TMEM132D: variants seen among roughly 807,000 people sequenced by gnomAD.
TMEM132D encodes transmembrane protein 132D.
In TMEM132D, 21 loss-of-function variants were observed where a neutral mutation model predicts 62.3. That is an observed-to-expected ratio of 0.34 (90% confidence interval 0.24 to 0.49). TMEM132D has a LOEUF of 0.49. Ranked by LOEUF, TMEM132D falls within the 20% of genes least tolerant of loss-of-function variation. The pLI is 0.99. For synonymous variants in TMEM132D, 621 were observed against 575.6 expected (o/e 1.08, Z -1.13); for missense variants, 1,346 against 1,402.8 (o/e 0.96, Z 0.65).
At chr12:129,707,485 A>G (rs969181198) in intron 1 of TMEM132D, among the ~76,000 whole-genome samples, 1 of 152,168 alleles carries the variant, frequency 6.6e-6, no homozygotes, top group African/African-American at 2.4e-5. Context: ...ACACAGTAGC[A>G]TAGAGGGGCT....
Position 129,230,585 on chromosome 12 carries a change from G to A in TMEM132D, c.1300-20922C>T, listed in dbSNP as rs1879612844. Among the ~76,000 whole-genome samples, 2 of 152,230 alleles carry A rather than the reference G, an allele frequency of 1.3e-5. 1 individual carries two copies. Among genetic ancestry groups the A allele is most frequent in the Admixed American group, 1.3e-4 (2 of 15,282 alleles). Reference sequence around the variant, plus strand: ...GTTTTCGGGGTGTCTACAGGATGGGGTGAAGCCACACTACTGTGGAGACCA... The same window carrying A: ...GTTTTCGGGGTGTCTACAGGATGGGATGAAGCCACACTACTGTGGAGACCA... On this transcript the variant is annotated intron_variant, in intron 4 of 8. Transcript: ENST00000422113.
intron 2 of TMEM132D, among the ~76,000 whole-genome samples, chr12:129,560,738 G>C (rs1327777232): frequency 6.6e-6 from 1 of 152,150 alleles, no homozygotes. Flanking sequence ...TCCCATTCAG[G>C]TACTTGCTCA....
chr12:129,754,152 G>T (rs1326720754), intron 1 of TMEM132D, among the ~76,000 whole-genome samples: 2 of 152,186 alleles, frequency 1.3e-5, no homozygotes, highest in Admixed American at 1.3e-4. Flanking sequence ...GTAGGTGCTG[G>T]CAACAGCTTC....
Position 129,073,864 on chromosome 12 carries a change from G to A in TMEM132D, c.*11C>T, listed in dbSNP as rs1874154904. 1 of 1,520,788 alleles carries A rather than the reference G, an allele frequency of 6.6e-7. No homozygotes were observed. Among genetic ancestry groups the A allele is most frequent in the Non-Finnish European group, 8.8e-7 (1 of 1,134,748 alleles). 94.2% of individuals were successfully genotyped at this position (1,520,788 alleles called of 1,614,324 possible). ...AAGGTGAGTGAGAACCAATGTCTGTGTGTGTCTGGCTTACACATTTTCATG... is the reference window on the plus strand; with the variant it reads ...AAGGTGAGTGAGAACCAATGTCTGTATGTGTCTGGCTTACACATTTTCATG... On this transcript the variant is annotated 3_prime_UTR_variant, in exon 9 of 9. Coordinates refer to ENST00000422113, the MANE Select transcript of TMEM132D (RefSeq NM_133448.3).
At chr12:129,876,372 A>G (rs183244108) in intron 1 of TMEM132D, among the ~76,000 whole-genome samples, 52 of 152,316 alleles carry the variant, frequency 3.4e-4, no homozygotes, top group African/African-American at 1.3e-3. Flanking sequence ...CAATTCAGCA[A>G]TCTTTCCATA....
intron 4 of TMEM132D, among the ~76,000 whole-genome samples, chr12:129,240,349 G>T (rs1256092091): frequency 6.6e-6 from 1 of 152,108 alleles, no homozygotes; most frequent in African/African-American, 2.4e-5. Context: ...GAGAAAACTG[G>T]TTTGAATATC....
At chr12:129,307,047 T>C (rs916184785) in intron 4 of TMEM132D, among the ~76,000 whole-genome samples, 4 of 128,766 alleles carry the variant, frequency 3.1e-5, no homozygotes, top group Non-Finnish European at 6.4e-5. Context: ...AGAAGTAACA[T>C]AGGACAATAG....
chr12:129,235,804 C>T (rs775797413), intron 4 of TMEM132D, among the ~76,000 whole-genome samples: 1 of 151,870 alleles, frequency 6.6e-6, no homozygotes, highest in African/African-American at 2.4e-5. Context: ...CTTTTTTGCT[C>T]AATACAATAT....
chr12:129,621,423 G>A (rs1879063676), intron 2 of TMEM132D, among the ~76,000 whole-genome samples: 1 of 152,078 alleles, frequency 6.6e-6, no homozygotes, highest in African/African-American at 2.4e-5. Context: ...GTCTATTCAT[G>A]CACATTTCTC....
At chr12:129,570,962 G>A (rs908850818) in intron 2 of TMEM132D, among the ~76,000 whole-genome samples, 1 of 152,176 alleles carries the variant, frequency 6.6e-6, no homozygotes, top group African/African-American at 2.4e-5. Context: ...CCAGGGACAG[G>A]ACGAATGCAG....
At chr12:129,743,816 T>C (rs1869686281) in intron 1 of TMEM132D, among the ~76,000 whole-genome samples, 1 of 152,118 alleles carries the variant, frequency 6.6e-6, no homozygotes, top group South Asian at 2.1e-4. Context: ...ATCATAATGA[T>C]GAAGGCAGAG....
At chr12:129,485,924 G>A (rs1566085085) in intron 3 of TMEM132D, among the ~76,000 whole-genome samples, 1 of 152,224 alleles carries the variant, frequency 6.6e-6, no homozygotes, top group Admixed American at 6.5e-5. Flanking sequence ...GACATGTTGT[G>A]TGTAGCAGAT....
chr12:129,347,938 CAACA>C lies in TMEM132D; in HGVS notation c.1116-10125_1116-10122del, dbSNP rs200240039. On this transcript the variant is annotated intron_variant, in intron 3 of 8. Transcript: ENST00000422113. ...TCTCAAAAGAAGACATTTATGCAGC[CAACA>C]AACATGAAAAAAACCTCATCATCAC... Among the ~76,000 whole-genome samples, 50 of 152,112 alleles carry C rather than the reference CAACA, an allele frequency of 3.3e-4. 1 individual carries two copies. The East Asian group carries it at 9.5e-3, about 29-fold the overall frequency.
chr12:129,745,931 G>C (rs564994669), intron 1 of TMEM132D, among the ~76,000 whole-genome samples: 12 of 152,264 alleles, frequency 7.9e-5, no homozygotes, highest in South Asian at 2.1e-4. Context: ...CCAGCCCTTC[G>C]GAAGGAGAAT....
At position 129,114,783 on chromosome 12, in the gene TMEM132D, C is replaced by T. The variant is rs531551738; in HGVS notation, c.1444-30081G>A. 2.3e-4 allele frequency among the ~76,000 whole-genome samples: 35 copies of T among 152,286 alleles called. No individual in the cohort carries two copies. The South Asian group carries it at 5.0e-3, about 22-fold the overall frequency. On this transcript the variant is annotated intron_variant, in intron 5 of 8. Coordinates refer to ENST00000422113, the MANE Select transcript of TMEM132D (RefSeq NM_133448.3). ...AGTAAATGGAATCACACCAGATGTA[C>T]GTGTTTTCCTAGTTCCTTTTACTTA...
intron 5 of TMEM132D, among the ~76,000 whole-genome samples, chr12:129,207,056 G>A (rs1021440652): frequency 3.3e-5 from 5 of 152,062 alleles, no homozygotes; most frequent in Non-Finnish European, 7.4e-5. Flanking sequence ...TGACACGCAG[G>A]TGACCTATTA....
chr12:129,333,392 T>C (rs762486599), intron 4 of TMEM132D, among the ~76,000 whole-genome samples: 12 of 152,362 alleles, frequency 7.9e-5, no homozygotes, highest in Non-Finnish European at 1.6e-4. Flanking sequence ...TGTACGAAAA[T>C]ATAAACCATA....
At chr12:129,699,720 G>A in intron 2 of TMEM132D, 90 bp downstream of exon 2, 1 of 1,511,408 alleles carries the variant, frequency 6.6e-7, no homozygotes, top group Non-Finnish European at 9.0e-7. Context: ...ACTTCGGTGA[G>A]CGATAACACA....
At chr12:129,832,447 C>T (rs953566746) in intron 1 of TMEM132D, among the ~76,000 whole-genome samples, 16 of 152,084 alleles carry the variant, frequency 1.1e-4, no homozygotes, top group African/African-American at 3.6e-4. Flanking sequence ...ATATTTACTA[C>T]GTAGCTCTTT....
Sources: allele counts gnomAD v4.1 joint callset (sites outside exome capture counted in the v4.1 genomes callset), GRCh38; gene constraint gnomAD v4.1.1; transcripts MANE v1.5; gene names NCBI Gene and HGNC (gene_info 2026-07-23, HGNC 2026-07-21).